The following GRIN2A variants were observed in gnomAD, a reference collection of about 807,000 sequenced individuals.
GRIN2A encodes glutamate receptor ionotropic, NMDA 2A.
Under a neutral mutation model 113.4 loss-of-function variants are expected in GRIN2A, and 22 were observed. The ratio of observed to expected loss-of-function variants is 0.19; its 90% CI spans 0.14 to 0.28. The LOEUF (loss-of-function observed/expected upper bound fraction) is 0.28, where lower values mean the gene tolerates loss of function less well. GRIN2A is among the 10% of genes least tolerant of loss of function. The pLI is 1.00. For missense variants in GRIN2A, 1,502 were observed against 1,887.0 expected, an observed-to-expected ratio of 0.80 and a Z score of 3.78; for synonymous variants, 827 against 738.4, an observed-to-expected ratio of 1.12 and a Z score of -1.94.
intron 12 of GRIN2A, 120 bp downstream of exon 12, chr16:9,768,731 T>C: frequency 1.3e-6 from 1 of 793,882 alleles, no homozygotes; most frequent in Non-Finnish European, 2.3e-6. Flanking sequence ...GATGCTCTTG[T>C]GACATGCCCA....
chr16:10,165,608 A>C (rs1349478250), intron 2 of GRIN2A, among the ~76,000 whole-genome samples: 4 of 145,940 alleles, frequency 2.7e-5, no homozygotes, highest in Non-Finnish European at 6.0e-5. Context: ...CAGTGGGTCC[A>C]TGATAAAAAT....
intron 10 of GRIN2A, among the ~76,000 whole-genome samples, chr16:9,808,525 T>C (rs1032548862): frequency 3.9e-5 from 6 of 152,196 alleles, no homozygotes; most frequent in Admixed American, 6.5e-5. Flanking sequence ...ATGTGTTAGA[T>C]AGAATGCAGG....
At chr16:9,859,969 G>A (rs1487772228) in intron 4 of GRIN2A, among the ~76,000 whole-genome samples, 1 of 151,488 alleles carries the variant, frequency 6.6e-6, no homozygotes, top group Non-Finnish European at 1.5e-5. Flanking sequence ...GGGCTACGGT[G>A]GTGAACAGTC....
Position 9,754,283 on chromosome 16 carries a change from T to G in GRIN2A, c.*8866A>C, listed in dbSNP as rs1398796478. 5.0e-6 allele frequency: 1 copy of G among 202,014 alleles called. No individual in the cohort carries two copies. The highest frequency in any genetic ancestry group is 7.6e-5 in the East Asian group (1 of 13,158). The allele number at this position is 202,014 out of a possible 1,614,324, so 12.5% of individuals were successfully genotyped here. On this transcript the variant is annotated 3_prime_UTR_variant, in exon 13 of 13. Transcript: ENST00000330684. ...GGCAGGGGAATGAACAAGATTAAGA[T>G]TCATAGTTAAAAACAACTGGTAAAG...
chr16:10,056,330 A>T (rs2047456367), intron 2 of GRIN2A, among the ~76,000 whole-genome samples: 2 of 151,978 alleles, frequency 1.3e-5, no homozygotes, highest in Non-Finnish European at 2.9e-5. Context: ...CTTTCCACTC[A>T]TCCATTCAAA....
At chr16:9,953,582 T>C (rs756597074) in intron 2 of GRIN2A, among the ~76,000 whole-genome samples, 5 of 151,992 alleles carry the variant, frequency 3.3e-5, no homozygotes, top group Non-Finnish European at 5.9e-5. Flanking sequence ...AAGTTGTCTA[T>C]CTGCTGGGGG....
intron 3 of GRIN2A, among the ~76,000 whole-genome samples, chr16:9,916,741 C>A (rs535592915): frequency 9.9e-5 from 15 of 152,274 alleles, no homozygotes; most frequent in African/African-American, 3.4e-4. Flanking sequence ...TCCCCGCCAC[C>A]CACATCCCAT....
chr16:9,890,953 TC>T (rs1567375994), intron 4 of GRIN2A, 32 bp downstream of exon 4: 2 of 1,318,354 alleles, frequency 1.5e-6, no homozygotes, highest in African/African-American at 2.9e-5. Context: ...CTTTCTTCCC[TC>T]CCCTGCATTC....
chr16:9,991,454 A>C (rs1031469787), intron 2 of GRIN2A, among the ~76,000 whole-genome samples: 2 of 152,186 alleles, frequency 1.3e-5, no homozygotes, highest in African/African-American at 4.8e-5. Context: ...TGTTATATGG[A>C]TATATTGTGT....
intron 4 of GRIN2A, among the ~76,000 whole-genome samples, chr16:9,863,990 A>T (rs1054682790): frequency 6.6e-6 from 1 of 152,222 alleles, no homozygotes; most frequent in South Asian, 2.1e-4. Flanking sequence ...AAGGTTAAAC[A>T]CATAACATTG....
At chr16:10,060,980 T>C (rs924365129) in intron 2 of GRIN2A, among the ~76,000 whole-genome samples, 2 of 152,222 alleles carry the variant, frequency 1.3e-5, no homozygotes, top group African/African-American at 2.4e-5. Flanking sequence ...TTTTTAGAAC[T>C]CCAGTTTAAT....
Position 9,799,578 on chromosome 16 carries a change from C to T in GRIN2A, c.2169-1114G>A, listed in dbSNP as rs576330641. ...CAGCCATAGAGAATGTGTAAACAAA[C>T]GAACTTTGCTGTGTTCCGATAAAAT... is the stretch of plus-strand genomic sequence containing the variant. On this transcript the variant is annotated intron_variant, in intron 10 of 12. Transcript: ENST00000330684. 3.2e-4 allele frequency among the ~76,000 whole-genome samples: 48 copies of T among 152,298 alleles called. No homozygotes were observed. In the South Asian group the frequency reaches 7.7e-3, roughly 24 times the overall value.
intron 11 of GRIN2A, among the ~76,000 whole-genome samples, chr16:9,789,739 G>A (rs1406027783): frequency 6.6e-6 from 1 of 152,198 alleles, no homozygotes; most frequent in East Asian, 1.9e-4. Context: ...ATTCCTGGTT[G>A]TTGGGGTTTT....
intron 4 of GRIN2A, among the ~76,000 whole-genome samples, chr16:9,857,839 G>A (rs1274755784): frequency 6.6e-6 from 1 of 152,160 alleles, no homozygotes; most frequent in African/African-American, 2.4e-5. Flanking sequence ...CTTCATAAGA[G>A]CTTTTCTCGA....
intron 2 of GRIN2A, among the ~76,000 whole-genome samples, chr16:10,125,695 C>T (rs1265580756): frequency 6.6e-6 from 1 of 151,454 alleles, no homozygotes; most frequent in Non-Finnish European, 1.5e-5. Context: ...AAGCCCCAGG[C>T]CTACAGGAGG....
At chr16:10,072,986 G>A (rs749179031) in intron 2 of GRIN2A, among the ~76,000 whole-genome samples, 13 of 115,202 alleles carry the variant, frequency 1.1e-4, no homozygotes, top group Middle Eastern at 7.6e-3. Context: ...GTCTCTTTTC[G>A]TTGCCCAGGC....
intron 4 of GRIN2A, among the ~76,000 whole-genome samples, chr16:9,882,185 G>A (rs1329989400): frequency 6.6e-6 from 1 of 152,098 alleles, no homozygotes; most frequent in Non-Finnish European, 1.5e-5. Context: ...GAGATGGCAA[G>A]GAGAGGGAGC....
chr16:9,958,400 T>A (rs1485226197), intron 2 of GRIN2A, among the ~76,000 whole-genome samples: 3 of 152,040 alleles, frequency 2.0e-5, no homozygotes, highest in Admixed American at 6.6e-5. Flanking sequence ...TTACTACTCC[T>A]CATGCCCATC....
intron 12 of GRIN2A, among the ~76,000 whole-genome samples, chr16:9,765,558 G>A (rs962583084): frequency 2.0e-5 from 3 of 152,206 alleles, no homozygotes; most frequent in East Asian, 3.9e-4. Flanking sequence ...TACTCTTTGA[G>A]GGGGGGATAG....
Sources: allele counts gnomAD v4.1 joint callset (sites outside exome capture counted in the v4.1 genomes callset), GRCh38; gene constraint gnomAD v4.1.1; transcripts MANE v1.5; gene names NCBI Gene and HGNC (gene_info 2026-07-23, HGNC 2026-07-21).